Variants in NLRC3 observed in about 807,000 individuals in gnomAD.
NLRC3 encodes NLR family CARD domain-containing protein 3.
In NLRC3, 87 loss-of-function variants were observed where a neutral mutation model predicts 91.6. The ratio of observed to expected loss-of-function variants is 0.95; its 90% CI spans 0.80 to 1.14. The LOEUF (loss-of-function observed/expected upper bound fraction) is 1.14. NLRC3 is among the 50% of genes most tolerant of loss of function. The probability of loss-of-function intolerance (pLI) is 0.00; values close to 1 mark genes in which losing one functional copy is unlikely to be tolerated. For synonymous variants in NLRC3, 694 were observed against 625.3 expected (o/e 1.11, Z -1.64); for missense variants, 1,577 against 1,418.6 (o/e 1.11, Z -1.79).
intron 1 of NLRC3, among the ~76,000 whole-genome samples, chr16:3,571,536 C>G (rs1329753230): frequency 7.3e-6 from 1 of 137,830 alleles, no homozygotes; most frequent in Non-Finnish European, 1.6e-5. Context: ...AGAGCAAGAC[C>G]CTGGCTTTAA....
At position 3,563,365 on chromosome 16, in the gene NLRC3, C is replaced by T. The variant is rs755745839; in HGVS notation, c.1572G>A (p.Arg524=). The T allele has an allele frequency of 1.2e-5, 19 of 1,587,918 alleles. No homozygotes were observed. Among genetic ancestry groups the T allele is most frequent in the Non-Finnish European group, 1.6e-5 (19 of 1,168,118 alleles). ...GGGAGCCGGCCAGGAGGGCATTGAC[C>T]CTCGGAGACAAGAGGCCGGAGAGGA... ...LRFLSGLLSP[R]VNALLAGSLL... The change falls in exon 5 of 20, where the codon AGG becomes AGA. Residue 524 remains arginine, a synonymous_variant. Transcript: ENST00000359128.
chr16:3,548,711 G>C lies in NLRC3; in HGVS notation c.2646C>G (p.Ile882Met), dbSNP rs773196225. The part of the protein sequence containing the change: ...NLLHDQGARA[I>M]AVAVRENRTL... ...TGCGGTTTTCTCTCACTGCCACTGC[G>C]ATGGCCCGGGCACCCTGGTCGTGGA... is the stretch of plus-strand genomic sequence containing the variant. Residue 882 changes from isoleucine to methionine, a missense_variant, in exon 14 of 20, where the codon ATC (isoleucine) becomes ATG (methionine). By Grantham distance (10) the Ile-to-Met change is conservative (BLOSUM62 1). Transcript: ENST00000359128. The C allele has an allele frequency of 1.2e-6, 2 of 1,603,514 alleles. No homozygotes were observed. Among genetic ancestry groups the C allele is most frequent in the Non-Finnish European group, 1.7e-6 (2 of 1,175,362 alleles).
intron 5 of NLRC3, among the ~76,000 whole-genome samples, chr16:3,562,688 G>A (rs1279924694): frequency 6.7e-6 from 1 of 149,388 alleles, no homozygotes; most frequent in Non-Finnish European, 1.5e-5. Flanking sequence ...ACAGGGAGAA[G>A]ATGACCAGGC....
chr16:3,570,157 G>A (rs1204477506), intron 1 of NLRC3, among the ~76,000 whole-genome samples: 2 of 151,468 alleles, frequency 1.3e-5, no homozygotes, highest in Admixed American at 1.3e-4. Flanking sequence ...GCCTCTTAAG[G>A]TAGTTTACAC....
Position 3,543,839 on chromosome 16 carries a change from C to T in NLRC3, c.2856-331G>A, listed in dbSNP as rs1050146508. 13 of 371,672 alleles carry T rather than the reference C, an allele frequency of 3.5e-5. No individual in the cohort carries two copies. In the East Asian group the frequency reaches 6.7e-4, roughly 19 times the overall value. 23.0% of individuals were successfully genotyped at this position (371,672 alleles called of 1,614,324 possible). Reference sequence around the variant, plus strand: ...TCCTATATTAGGAAAATCAAACACACCTTCCTTGACTTGTAAACAAAAATA... The same window carrying T: ...TCCTATATTAGGAAAATCAAACACATCTTCCTTGACTTGTAAACAAAAATA... On this transcript the variant is annotated intron_variant, in intron 16 of 19. Coordinates refer to ENST00000359128, the MANE Select transcript of NLRC3 (RefSeq NM_178844.4).
intron 1 of NLRC3, among the ~76,000 whole-genome samples, chr16:3,569,392 A>ATTTTTTT (rs201744035): frequency 1.8e-5 from 1 of 55,538 alleles, no homozygotes; most frequent in African/African-American, 8.3e-5. Flanking sequence ...ATATATATAT[A>ATTTTTTT]TATTATTTTT....
chr16:3,565,917 G>C (rs1347653036), intron 2 of NLRC3, among the ~76,000 whole-genome samples: 3 of 151,346 alleles, frequency 2.0e-5, no homozygotes, highest in Admixed American at 2.0e-4. Flanking sequence ...GTGTGTGCCA[G>C]TAGTCCCAGC....
In NLRC3 at chr16:3,543,475, G is replaced by T. The variant is rs1301713954; in HGVS notation, c.2889C>A (p.Ala963=). 1.2e-6 allele frequency: 2 copies of T among 1,613,288 alleles called. No homozygotes were observed. The highest frequency in any genetic ancestry group is 2.2e-5 in the South Asian group (2 of 90,890). Residue 963 remains alanine, a synonymous_variant, in exon 17 of 20, where the codon GCC becomes GCA. Transcript: ENST00000359128. ...CAGCCAAGGCTTCCCCTAGCACCTG[G>T]GCGCCTGAAGCACCAATTGAGGCCA... ...LQVASIGASG[A]QVLGEALAVN... is the part of the protein sequence containing the mutation.
At chr16:3,543,034 G>A (rs1567456745) in intron 17 of NLRC3, 1 of 528,464 alleles carries the variant, frequency 1.9e-6, no homozygotes, top group Non-Finnish European at 3.4e-6. Context: ...GAAAAGCGGG[G>A]CTGAGACAGG....
Position 3,577,282 on chromosome 16 carries a change from G to A in NLRC3, c.-302C>T. On this transcript the variant is annotated 5_prime_UTR_variant, in exon 1 of 20. Coordinates refer to ENST00000359128, the MANE Select transcript of NLRC3 (RefSeq NM_178844.4). ...CCTGGGAATCCCTGTGCCAGCCTGAGTTCTCAGGACCAGGGATCAGGGCAC... is the reference window on the plus strand; with the variant it reads ...CCTGGGAATCCCTGTGCCAGCCTGAATTCTCAGGACCAGGGATCAGGGCAC... The A allele has an allele frequency of 1.4e-6, 1 of 691,858 alleles. No homozygotes were observed. The highest frequency in any genetic ancestry group is 2.6e-6 in the Non-Finnish European group (1 of 378,876). The allele number at this position is 691,858 out of a possible 1,614,324, so 42.9% of individuals were successfully genotyped here.
rs1323107265 is a variant in NLRC3, at chr16:3,550,431, C to G, written c.2418G>C (p.Gln806His). Reference sequence around the variant, plus strand: ...GGACTCACTCCAGGCTCTCCAGGCCCTGGTTCACCTTCAGGGCCTCAGCCA... The same window carrying G: ...GGACTCACTCCAGGCTCTCCAGGCCGTGGTTCACCTTCAGGGCCTCAGCCA... ...KALAEALKVNQGLESLDLQSN... is the reference protein window; with the variant it reads ...KALAEALKVNHGLESLDLQSN... Residue 806 changes from glutamine (Q) to histidine (H), a missense_variant, in exon 11 of 20, where the codon CAG becomes CAC. By Grantham distance (24) the Gln-to-His change is conservative. Transcript: ENST00000359128. The G allele has an allele frequency of 1.2e-6, 2 of 1,612,622 alleles. No individual in the cohort carries two copies. Among genetic ancestry groups the G allele is most frequent in the Non-Finnish European group, 1.7e-6 (2 of 1,178,608 alleles).
chr16:3,576,540 G>C (rs116307374), intron 1 of NLRC3, among the ~76,000 whole-genome samples: 1 of 152,236 alleles, frequency 6.6e-6, no homozygotes. Context: ...CTGCCTGCCC[G>C]CAGCACCTTC....
Position 3,548,237 on chromosome 16 carries a change from A to T in NLRC3, c.2688-19T>A, listed in dbSNP as rs556422906. The T allele has an allele frequency of 6.8e-7, 1 of 1,470,702 alleles. No individual in the cohort carries two copies. The highest frequency in any genetic ancestry group is 9.3e-7 in the Non-Finnish European group (1 of 1,073,486). The allele number at this position is 1,470,702 out of a possible 1,614,324, so 91.1% of individuals were successfully genotyped here. ...CTGCAGGCTGGGCAGACACAGACAC[A>T]TGTGACTATGTGACTATGTGACTAT... On this transcript the variant is annotated intron_variant, in intron 14 of 19. Coordinates refer to ENST00000359128, the MANE Select transcript of NLRC3 (RefSeq NM_178844.4).
At chr16:3,562,637 T>A (rs1306276355) in intron 5 of NLRC3, among the ~76,000 whole-genome samples, 1 of 151,026 alleles carries the variant, frequency 6.6e-6, no homozygotes, top group East Asian at 1.9e-4. Context: ...CAAGACTCCA[T>A]CTCAAAAAAA....
Position 3,564,937 on chromosome 16 carries a change from C to A in NLRC3, c.100G>T (p.Gly34Trp). ...GCCTGGGAGCCTTGACTGCCCTTCC[C>A]AGCCAGCAGATCCATGAGGGCTTTC... ...QVKALMDLLA[G>W]KGSQGSQAPQ... Residue 34 changes from glycine (G) to tryptophan (W), a missense_variant, in exon 4 of 20, where the codon GGG becomes TGG. By Grantham distance (184) the Gly-to-Trp change is radical. Coordinates refer to ENST00000359128, the MANE Select transcript of NLRC3 (RefSeq NM_178844.4). This position sits in a 1 kb window ranked among gnomAD's most constrained non-coding sequence, Gnocchi z 5.9. 1 of 1,610,646 alleles carries A rather than the reference C, an allele frequency of 6.2e-7. No homozygotes were observed. Among genetic ancestry groups the A allele is most frequent in the Non-Finnish European group, 8.5e-7 (1 of 1,179,680 alleles).
chr16:3,572,275 A>G (rs1038368439), intron 1 of NLRC3, among the ~76,000 whole-genome samples: 2 of 152,050 alleles, frequency 1.3e-5, no homozygotes, highest in African/African-American at 4.8e-5. Context: ...AACAGACTGC[A>G]TTGGTGAGAA....
At chr16:3,565,197 G>A in intron 3 of NLRC3, 122 bp downstream of exon 3, 3 of 724,396 alleles carry the variant, frequency 4.1e-6, no homozygotes, top group East Asian at 2.7e-5. Flanking sequence ...CCACTGGCCT[G>A]GCCTCTGAGA....
At chr16:3,569,412 T>TC (rs1248698434) in intron 1 of NLRC3, among the ~76,000 whole-genome samples, 2 of 115,210 alleles carry the variant, frequency 1.7e-5, no homozygotes, top group Non-Finnish European at 1.8e-5. Flanking sequence ...TTTTTTTTTT[T>TC]TTTTTTTTTG....
chr16:3,547,703 CTG>C (rs143131128), intron 15 of NLRC3, among the ~76,000 whole-genome samples: 7,602 of 152,168 alleles, frequency 0.05, 244 homozygotes, highest in Admixed American at 0.069. Context: ...GGGTCTCACT[CTG>C]TCGCCCAGGC....
Sources: allele counts gnomAD v4.1 joint callset (sites outside exome capture counted in the v4.1 genomes callset), GRCh38; gene constraint gnomAD v4.1.1; non-coding constraint Gnocchi (gnomAD v3.1); transcripts MANE v1.5; gene names NCBI Gene and HGNC (gene_info 2026-07-23, HGNC 2026-07-21).